The following AMPD1 variants were observed in gnomAD, a reference collection of about 807,000 sequenced individuals.
AMPD1 encodes the protein adenosine monophosphate deaminase 1.
AMPD1 carries 74 observed loss-of-function variants against 82.9 expected under a neutral mutation model. The observed-to-expected ratio is 0.89, with a 90% CI of 0.74 to 1.08. The LOEUF (loss-of-function observed/expected upper bound fraction) is 1.08, where lower values mean the gene tolerates loss of function less well. Among genes scored for constraint, AMPD1 ranks in the 50% least tolerant of loss-of-function variants. The pLI is 0.00. For synonymous variants in AMPD1, 333 were observed against 320.5 expected (o/e 1.04, Z -0.42); for missense variants, 881 against 924.5 (o/e 0.95, Z 0.61).
At chr1:114,688,882 TC>T (rs1332858769) in intron 2 of AMPD1, 141 bp from the exon 3 acceptor site, 1 of 903,948 alleles carries the variant, frequency 1.1e-6, no homozygotes, top group Admixed American at 1.7e-5. Context: ...AACACAGAGC[TC>T]AGTGCCTGCT....
rs141829342 is a variant in AMPD1, at chr1:114,677,503, C to T, written c.1236G>A (p.Ala412=). 64 of 1,613,576 alleles carry T rather than the reference C, an allele frequency of 4.0e-5. No homozygotes were observed. The highest frequency in any genetic ancestry group is 4.7e-5 in the Non-Finnish European group (56 of 1,179,922). ...YFATIIKEVG[A]DLVEAKYQHA... ...GCTGGTACTTGGCCTCCACCAGGTC[C>T]GCACCTACCTCCTGCAAAGCCAAGA... is the stretch of plus-strand genomic sequence containing the variant. The change falls in exon 10 of 16, where the codon GCG becomes GCA. Residue 412 remains alanine, a synonymous_variant. Coordinates refer to ENST00000520113, the MANE Select transcript of AMPD1 (RefSeq NM_000036.3).
Position 114,680,393 on chromosome 1 carries a change from C to T in AMPD1, c.633G>A (p.Lys211=), listed in dbSNP as rs754157848. Residue 211 remains lysine, a synonymous_variant, in exon 6 of 16, where the codon AAG becomes AAA. Transcript: ENST00000520113. ...PENLGYHLKM[K]DGVVYVYPNE... is the part of the protein sequence containing the mutation. Reference sequence around the variant, plus strand: ...TAGGATAGACGTAAACTACACCGTCCTTCATTTTGAGGTGATAGCCCAGGT... The same window carrying T: ...TAGGATAGACGTAAACTACACCGTCTTTCATTTTGAGGTGATAGCCCAGGT... The T allele has an allele frequency of 2.5e-6, 4 of 1,614,076 alleles. No homozygotes were observed. In the African/African-American group the frequency reaches 4.0e-5, roughly 16 times the overall value.
At chr1:114,676,419 C>A (rs1657982823) in intron 10 of AMPD1, among the ~76,000 whole-genome samples, 1 of 152,224 alleles carries the variant, frequency 6.6e-6, no homozygotes, top group Non-Finnish European at 1.5e-5. Context: ...ATATTCCAAG[C>A]ACTCTTCTAA....
At chr1:114,691,395 C>CA (rs1237265938) in intron 2 of AMPD1, among the ~76,000 whole-genome samples, 2 of 146,778 alleles carry the variant, frequency 1.4e-5, no homozygotes, top group African/African-American at 2.6e-5. Context: ...CTCACCTCCA[C>CA]AAAATTTTTT....
At position 114,677,448 on chromosome 1, in the gene AMPD1, G is replaced by C; in HGVS notation, c.1291C>G (p.Arg431Gly). 1.2e-6 allele frequency: 2 copies of C among 1,612,792 alleles called. No individual in the cohort carries two copies. The highest frequency in any genetic ancestry group is 1.7e-6 in the Non-Finnish European group (2 of 1,179,806). ...AGTTTGCTCCACTCATCAGGACTGC[G>C]GCCATAGATGGACAGGCGGGGCTCA... ...HAEPRLSIYG[R>G]SPDEWSKLSS... The change falls in exon 10 of 16, where the codon CGC becomes GGC. Residue 431 changes from arginine to glycine, a missense_variant. By Grantham distance (125) the Arg-to-Gly change is moderately radical. This residue lies in a region of AMPD1 where 783 missense variants were observed against 786.4 expected (regional missense o/e 1.00). Coordinates refer to ENST00000520113, the MANE Select transcript of AMPD1 (RefSeq NM_000036.3).
chr1:114,680,592 G>T, intron 5 of AMPD1, 114 bp from the exon 6 acceptor site: 1 of 877,942 alleles, frequency 1.1e-6, no homozygotes, highest in Non-Finnish European at 1.9e-6. Context: ...CGGTACTTAA[G>T]TTGTAATTAT....
intron 2 of AMPD1, chr1:114,689,035 A>G (rs1450087144): frequency 1.6e-6 from 1 of 627,708 alleles, no homozygotes; most frequent in South Asian, 1.4e-5. Flanking sequence ...GCACCTCAGT[A>G]AGATCACCTG....
rs374524544 is a variant in AMPD1, at chr1:114,692,538, G to A, written c.34+898C>T. Among the ~76,000 whole-genome samples, 139 of 151,882 alleles carry A rather than the reference G, an allele frequency of 9.2e-4. 3 individuals are homozygous for A. In the South Asian group the frequency reaches 0.029, roughly 31 times the overall value. On this transcript the variant is annotated intron_variant, in intron 2 of 15. Coordinates refer to ENST00000520113, the MANE Select transcript of AMPD1 (RefSeq NM_000036.3). The stretch of plus-strand genomic sequence containing the variant: ...GTCTCTACTAAAAATACAAAAATTA[G>A]TCAGATGGGTGGTGGGCACCTGTAA...
chr1:114,686,882 C>T lies in AMPD1; in HGVS notation c.244G>A (p.Val82Ile). Residue 82 changes from valine (V) to isoleucine (I), a missense_variant, in exon 4 of 16, where the codon GTT becomes ATT. Val to Ile is a conservative substitution (Grantham distance 29, BLOSUM62 3). Transcript: ENST00000520113. ...RKKRFQGRKT[V>I]NLSIPLSETS... ...TCACTTAGTGGAATGGACAAATTAA[C>T]AGTCTTCCGTCCTTGGAAACGCTTT... 1 of 1,614,234 alleles carries T rather than the reference C, an allele frequency of 6.2e-7. No individual in the cohort carries two copies. Among genetic ancestry groups the T allele is most frequent in the Non-Finnish European group, 8.5e-7 (1 of 1,180,028 alleles).
intron 5 of AMPD1, chr1:114,683,146 T>C (rs1435047964): frequency 6.5e-6 from 3 of 464,374 alleles, no homozygotes; most frequent in Non-Finnish European, 1.3e-5. Flanking sequence ...AGGTAAAAAC[T>C]GAGATAAGTA....
At position 114,678,386 on chromosome 1, in the gene AMPD1, T is replaced by G; in HGVS notation, c.1039A>C (p.Lys347Gln). The G allele has an allele frequency of 6.2e-7, 1 of 1,614,166 alleles. No homozygotes were observed. Among genetic ancestry groups the G allele is most frequent in the Non-Finnish European group, 8.5e-7 (1 of 1,180,034 alleles). The part of the protein sequence containing the change: ...KNLTLKELFA[K>Q]LKMHPYDLTV... ...AGGTCATAAGGATGCATTTTTAATT[T>G]AGCAAAAAGTTCCTTTAGGGTCAGA... Residue 347 changes from lysine to glutamine, a missense_variant, in exon 8 of 16, where the codon AAA becomes CAA. Physicochemically the swap from Lys to Gln is moderately conservative, Grantham distance 53. This residue lies in a region of AMPD1 where 783 missense variants were observed against 786.4 expected (regional missense o/e 1.00). Transcript: ENST00000520113.
At chr1:114,695,346 T>A in intron 1 of AMPD1, 104 bp downstream of exon 1, 6 of 1,512,166 alleles carry the variant, frequency 4.0e-6, no homozygotes, top group Admixed American at 1.9e-5. Context: ...TCACGAACCC[T>A]AAATGAATGA....
At position 114,687,836 on chromosome 1, in the gene AMPD1, G is replaced by C. The variant is rs148481029; in HGVS notation, c.215+725C>G. Among the ~76,000 whole-genome samples the C allele has an allele frequency of 1.9e-3, 282 of 152,246 alleles. 1 individual carries two copies. The highest frequency in any genetic ancestry group is 0.017 in the Middle Eastern group (5 of 294). ...GGTGGTCAGACTAACTGGAGGGCAG[G>C]ATTCATGTCAGGGAGCATAACACTA... On this transcript the variant is annotated intron_variant, in intron 3 of 15. Coordinates refer to ENST00000520113, the MANE Select transcript of AMPD1 (RefSeq NM_000036.3).
intron 3 of AMPD1, among the ~76,000 whole-genome samples, chr1:114,687,580 G>A (rs977591418): frequency 6.6e-6 from 1 of 152,072 alleles, no homozygotes; most frequent in Non-Finnish European, 1.5e-5. Flanking sequence ...CTGGTGGGAT[G>A]GGGGGAGGAC....
rs765576703 is a variant in AMPD1 at position 114,684,214 on chromosome 1, C to T, written c.532G>A (p.Glu178Lys). Residue 178 changes from glutamate to lysine, a missense_variant, in exon 5 of 16, where the codon GAG (glutamate) becomes AAG (lysine). Glu to Lys is a moderately conservative substitution (Grantham distance 56). Transcript: ENST00000520113. ...GAATTGTTACCTGGATAGAAGCTCT[C>T]ATTTGCTACCCAAGCCTCACCATCA... Reference protein sequence around the residue: ...NIDGEAWVANESFYPVFTPPV... With the variant: ...NIDGEAWVANKSFYPVFTPPV... 1.2e-6 allele frequency: 2 copies of T among 1,614,018 alleles called. No homozygotes were observed. Among genetic ancestry groups the T allele is most frequent in the Non-Finnish European group, 1.7e-6 (2 of 1,180,026 alleles).
At chr1:114,693,553 T>C in intron 1 of AMPD1, 106 bp from the exon 2 acceptor site, 1 of 1,006,222 alleles carries the variant, frequency 9.9e-7, no homozygotes, top group Non-Finnish European at 1.6e-6. Flanking sequence ...TTGCTGTTAT[T>C]TCAGCTCAGC....
At chr1:114,687,067 G>T in intron 3 of AMPD1, 157 bp from the exon 4 acceptor site, 1 of 773,380 alleles carries the variant, frequency 1.3e-6, no homozygotes, top group Non-Finnish European at 2.2e-6. Context: ...ATAGTGGGAG[G>T]AGAAATCACT....
chr1:114,687,000 C>G, intron 3 of AMPD1, 90 bp from the exon 4 acceptor site: 1 of 1,405,518 alleles, frequency 7.1e-7, no homozygotes, highest in Non-Finnish European at 1.0e-6. Context: ...CAATTTTATT[C>G]TGAGGACAAA....
At chr1:114,689,001 T>C (rs1658429833) in intron 2 of AMPD1, 1 of 685,268 alleles carries the variant, frequency 1.5e-6, no homozygotes, top group Non-Finnish European at 2.7e-6. Flanking sequence ...GTCCTAAAGA[T>C]GAGACCGGGC....
Sources: allele counts gnomAD v4.1 joint callset (sites outside exome capture counted in the v4.1 genomes callset), GRCh38; gene constraint gnomAD v4.1.1; regional missense constraint gnomAD v4.1.1; transcripts MANE v1.5; gene names NCBI Gene and HGNC (gene_info 2026-07-23, HGNC 2026-07-21).